The following DCAF6 variants were observed in gnomAD, a reference collection of about 807,000 sequenced individuals.
The protein encoded by DCAF6 is DDB1 and CUL4 associated factor 6.
A neutral mutation model predicts 125.1 loss-of-function variants in DCAF6; 54 were observed. That is an observed-to-expected ratio of 0.43 (90% CI 0.35 to 0.54). The LOEUF (loss-of-function observed/expected upper bound fraction) is 0.54, where lower values mean the gene tolerates loss of function less well. DCAF6 is among the 20% of genes least tolerant of loss of function. The pLI is 0.01. For missense variants in DCAF6, 934 were observed against 1,161.7 expected (o/e 0.80, Z 2.85); for synonymous variants, 371 against 390.4 (o/e 0.95, Z 0.58).
intron 1 of DCAF6, among the ~76,000 whole-genome samples, chr1:167,949,322 C>T (rs1047035933): frequency 1.3e-5 from 2 of 152,160 alleles, no homozygotes; most frequent in Non-Finnish European, 2.9e-5. Context: ...TTGTTCTGGA[C>T]TATCTTCTCA....
chr1:167,876,524 T>A, the DCAF6 span, among the ~76,000 whole-genome samples: 115 of 152,324 alleles, frequency 7.5e-4, no homozygotes, highest in African/African-American at 2.6e-3. Flanking sequence ...AAGGTTCCCA[T>A]GTAACATACA....
the DCAF6 span, among the ~76,000 whole-genome samples, chr1:167,866,530 CAAAAAAAAAA>C: frequency 9.0e-6 from 1 of 110,780 alleles, no homozygotes; most frequent in Non-Finnish European, 2.0e-5. Context: ...CTCTATGTGC[CAAAAAAAAAA>C]AAAAAAAAAA....
chr1:167,993,914 A>G (rs1681250904), intron 7 of DCAF6, among the ~76,000 whole-genome samples: 1 of 152,148 alleles, frequency 6.6e-6, no homozygotes, highest in Non-Finnish European at 1.5e-5. Flanking sequence ...TTGAAAGAAT[A>G]GAAGCTAATA....
chr1:167,945,873 T>A (rs987209780), intron 1 of DCAF6, among the ~76,000 whole-genome samples: 1 of 151,932 alleles, frequency 6.6e-6, no homozygotes, highest in African/African-American at 2.4e-5. Context: ...TGAATCATTA[T>A]TGGTGTGTAG....
At chr1:167,884,516 G>T in the DCAF6 span, among the ~76,000 whole-genome samples, 4 of 151,978 alleles carry the variant, frequency 2.6e-5, no homozygotes, top group Non-Finnish European at 5.9e-5. Flanking sequence ...CCATATCAAT[G>T]ATTAAATTAT....
chr1:167,906,216 A>G, the DCAF6 span, among the ~76,000 whole-genome samples: 1 of 152,290 alleles, frequency 6.6e-6, no homozygotes, highest in South Asian at 2.1e-4. Flanking sequence ...ACAAACTTTA[A>G]AATGTATATA....
chr1:167,927,134 T>C, the DCAF6 span, among the ~76,000 whole-genome samples: 3 of 152,232 alleles, frequency 2.0e-5, no homozygotes, highest in African/African-American at 7.2e-5. Flanking sequence ...ATTCAAACTT[T>C]CTGTCTGACC....
chr1:168,008,894 CCCCT>C (rs976642204), intron 10 of DCAF6, among the ~76,000 whole-genome samples: 66 of 133,566 alleles, frequency 4.9e-4, no homozygotes, highest in Non-Finnish European at 8.6e-4. Flanking sequence ...CCTCCCCTCC[CCCCT>C]CCCTCCCTCC....
the DCAF6 span, among the ~76,000 whole-genome samples, chr1:167,903,731 AC>A: frequency 6.6e-6 from 1 of 152,202 alleles, no homozygotes; most frequent in African/African-American, 2.4e-5. Flanking sequence ...CTTCAGTTAT[AC>A]TATATCATAT....
At chr1:167,960,963 T>C (rs1016037194) in intron 2 of DCAF6, among the ~76,000 whole-genome samples, 3 of 152,200 alleles carry the variant, frequency 2.0e-5, no homozygotes, top group Non-Finnish European at 2.9e-5. Flanking sequence ...ACTGAATCTT[T>C]CTATTTATTA....
At chr1:168,018,018 A>G (rs1383720893) in intron 11 of DCAF6, among the ~76,000 whole-genome samples, 1 of 152,196 alleles carries the variant, frequency 6.6e-6, no homozygotes, top group Non-Finnish European at 1.5e-5. Flanking sequence ...GTATAGAAAG[A>G]ATTTCTGCAT....
intron 3 of DCAF6, among the ~76,000 whole-genome samples, chr1:167,970,054 AG>A (rs1432860507): frequency 1.3e-5 from 2 of 152,232 alleles, no homozygotes; most frequent in African/African-American, 4.8e-5. Flanking sequence ...TGGGGATTAC[AG>A]GCGTGAACCA....
chr1:168,048,840 G>C (rs1044705357), intron 16 of DCAF6, among the ~76,000 whole-genome samples: 3 of 152,156 alleles, frequency 2.0e-5, no homozygotes. Context: ...ACTATTCTTA[G>C]CCTAAGGTTC....
chr1:168,027,396 C>T (rs1686479004), intron 12 of DCAF6, among the ~76,000 whole-genome samples: 1 of 151,988 alleles, frequency 6.6e-6, no homozygotes, highest in African/African-American at 2.4e-5. Flanking sequence ...AAATTTTAAC[C>T]TTTACCAAGA....
the DCAF6 span, chr1:167,924,478 G>A: frequency 1.0e-4 from 161 of 1,583,366 alleles, no homozygotes; most frequent in Non-Finnish European, 1.2e-4. Flanking sequence ...AGTAGCTTCC[G>A]TAAAAACTCA....
chr1:168,028,087 A>C (rs1686575714), intron 12 of DCAF6, among the ~76,000 whole-genome samples: 1 of 152,146 alleles, frequency 6.6e-6, no homozygotes, highest in Admixed American at 6.5e-5. Context: ...GAATAAGCAC[A>C]GTAATGTCCA....
In DCAF6 at chr1:168,015,945, G is replaced by T; in HGVS notation, c.1543G>T (p.Ala515Ser). 1 of 1,490,028 alleles carries T rather than the reference G, an allele frequency of 6.7e-7. No individual in the cohort carries two copies. Among genetic ancestry groups the T allele is most frequent in the Non-Finnish European group, 9.0e-7 (1 of 1,116,848 alleles). 92.3% of individuals were successfully genotyped at this position (1,490,028 alleles called of 1,614,324 possible). A position where few individuals can be genotyped will look rare whatever the true frequency, so the allele number is the denominator to read the frequency against. The change falls in exon 11 of 22, where the codon GCT becomes TCT. Residue 515 changes from alanine to serine, a missense_variant. By Grantham distance (99) the Ala-to-Ser change is moderately conservative. This residue lies in a region of DCAF6 where 559 missense variants were observed against 635.5 expected (regional missense o/e 0.88). Transcript: ENST00000367840. ...TGAGGGCTCTTCACAGGACCCTCAT[G>T]CTTCAGGTTATTAATGTCAAGTGTC... ...SHEGSSQDPH[A>S]SDSPSSVVNK...
At chr1:167,899,615 G>T in the DCAF6 span, 11 of 1,613,770 alleles carry the variant, frequency 6.8e-6, 1 homozygote, top group East Asian at 1.8e-4. Flanking sequence ...TGCTGATGTG[G>T]CCAGCAGCCA....
chr1:167,986,842 G>A (rs1680077682), intron 4 of DCAF6, among the ~76,000 whole-genome samples: 1 of 152,132 alleles, frequency 6.6e-6, no homozygotes, highest in African/African-American at 2.4e-5. Context: ...TTTATAGAGA[G>A]CCTCAACTTA....
Sources: gnomAD v4.1 joint callset for allele counts (sites outside exome capture counted in the v4.1 genomes callset) on GRCh38, gnomAD v4.1.1 for gene constraint, gnomAD v4.1.1 regional missense constraint, MANE v1.5 for transcripts, NCBI Gene and HGNC (gene_info 2026-07-23, HGNC 2026-07-21) for gene names.